KYNU: variants seen among roughly 807,000 people sequenced by gnomAD.
KYNU encodes the protein L-kynurenine hydrolase.
In KYNU, 54 loss-of-function variants were observed where a neutral mutation model predicts 59.2. The ratio of observed to expected loss-of-function variants is 0.91; its 90% confidence interval spans 0.73 to 1.14. KYNU has a LOEUF of 1.14. Among genes scored for constraint, KYNU ranks in the 50% most tolerant of loss-of-function variants. KYNU has a pLI of 0.00. For synonymous variants in KYNU, 177 were observed against 192.0 expected (o/e 0.92, Z 0.65); for missense variants, 567 against 554.4 (o/e 1.02, Z -0.23).
intron 10 of KYNU, among the ~76,000 whole-genome samples, chr2:143,001,223 C>A (rs752573308): frequency 1.1e-4 from 16 of 152,062 alleles, no homozygotes; most frequent in Non-Finnish European, 2.1e-4. Flanking sequence ...TAAGAGTCTG[C>A]CTACCACAAT....
chr2:143,036,348 A>G (rs892111905), intron 12 of KYNU, among the ~76,000 whole-genome samples: 1 of 152,084 alleles, frequency 6.6e-6, no homozygotes, highest in Non-Finnish European at 1.5e-5. Context: ...TCCAGTTCCA[A>G]TGGCTGGAAT....
At chr2:143,021,574 G>A (rs1027767355) in intron 10 of KYNU, among the ~76,000 whole-genome samples, 2 of 152,072 alleles carry the variant, frequency 1.3e-5, no homozygotes, top group Non-Finnish European at 2.9e-5. Context: ...ATGGCAGGAG[G>A]CAAATGGGGG....
intron 4 of KYNU, among the ~76,000 whole-genome samples, chr2:142,934,763 C>T (rs1362984791): frequency 2.0e-5 from 3 of 152,198 alleles, no homozygotes; most frequent in Non-Finnish European, 2.9e-5. Context: ...GTGGCAAGGC[C>T]GATGAGATCC....
intron 12 of KYNU, among the ~76,000 whole-genome samples, chr2:143,038,587 A>G (rs1033964205): frequency 6.6e-6 from 1 of 152,084 alleles, no homozygotes; most frequent in African/African-American, 2.4e-5. Flanking sequence ...CCTCTACTTG[A>G]GCTGTCTCTG....
intron 1 of KYNU, among the ~76,000 whole-genome samples, chr2:142,882,680 T>C (rs1404188289): frequency 6.6e-6 from 1 of 152,230 alleles, no homozygotes; most frequent in Non-Finnish European, 1.5e-5. Context: ...TATGGCTGCA[T>C]AGTATTCCAT....
At chr2:143,029,406 T>G (rs918793898) in intron 10 of KYNU, among the ~76,000 whole-genome samples, 12 of 152,102 alleles carry the variant, frequency 7.9e-5, no homozygotes, top group African/African-American at 2.9e-4. Context: ...GCCAACATGG[T>G]GAAACCCTAT....
At chr2:142,977,855 G>A (rs985771662) in intron 8 of KYNU, among the ~76,000 whole-genome samples, 4 of 152,102 alleles carry the variant, frequency 2.6e-5, no homozygotes, top group South Asian at 2.1e-4. Context: ...TTTGAAGGCC[G>A]TGGCAAATTT....
intron 1 of KYNU, among the ~76,000 whole-genome samples, chr2:142,881,855 C>T (rs929170881): frequency 4.0e-5 from 6 of 151,624 alleles, no homozygotes; most frequent in East Asian, 1.9e-4. Context: ...CCATCCTCCT[C>T]GGTAGCTAGG....
chr2:143,028,187 C>A lies in KYNU; in HGVS notation c.903-1440C>A, dbSNP rs573387569. ...GTCTTTTTCATGTAATATATACACA[C>A]ACGTATGTGATTTTCCCTATATATT... On this transcript the variant is annotated intron_variant, in intron 10 of 13. Coordinates refer to ENST00000264170, the MANE Select transcript of KYNU (RefSeq NM_003937.3). 4.4e-4 allele frequency among the ~76,000 whole-genome samples: 66 copies of A among 150,680 alleles called. 2 individuals are homozygous for A. Among genetic ancestry groups the A allele is most frequent in the African/African-American group, 1.5e-3 (63 of 41,170 alleles).
intron 4 of KYNU, among the ~76,000 whole-genome samples, chr2:142,931,057 T>C (rs917166791): frequency 7.2e-4 from 109 of 152,346 alleles, no homozygotes; most frequent in African/African-American, 2.6e-3. Flanking sequence ...ATGGCCTCTT[T>C]CTCGATCTTC....
At chr2:142,949,392 C>T (rs1220861863) in intron 4 of KYNU, among the ~76,000 whole-genome samples, 1 of 152,228 alleles carries the variant, frequency 6.6e-6, no homozygotes, top group Non-Finnish European at 1.5e-5. Context: ...CAGAGGTTCT[C>T]CATGAGGATC....
intron 2 of KYNU, among the ~76,000 whole-genome samples, chr2:142,908,477 T>C (rs546672303): frequency 7.3e-6 from 1 of 137,310 alleles, no homozygotes; most frequent in South Asian, 2.6e-4. Flanking sequence ...TGAGTTCATA[T>C]AAGGAACTGG....
At chr2:142,885,717 T>G (rs977006261) in intron 2 of KYNU, among the ~76,000 whole-genome samples, 181 bp downstream of exon 2, 5 of 152,164 alleles carry the variant, frequency 3.3e-5, no homozygotes, top group Non-Finnish European at 7.4e-5. Context: ...TAGCCTCAAA[T>G]TATCTGTTTT....
At chr2:143,023,734 T>G (rs999870087) in intron 10 of KYNU, among the ~76,000 whole-genome samples, 10 of 151,422 alleles carry the variant, frequency 6.6e-5, no homozygotes, top group Non-Finnish European at 1.3e-4. Flanking sequence ...AGAGAACTAA[T>G]AGAATAAAGA....
Position 143,050,031 on chromosome 2 carries a change from A to G in KYNU, c.*7859A>G, listed in dbSNP as rs942769086. 11 of 147,936 alleles carry G rather than the reference A, an allele frequency of 7.4e-5. No homozygotes were observed. The highest frequency in any genetic ancestry group is 1.6e-4 in the Non-Finnish European group (11 of 67,080). The allele number at this position is 147,936 out of a possible 1,614,324, so 9.2% of individuals were successfully genotyped here. A position where few individuals can be genotyped will look rare whatever the true frequency, so the allele number is the denominator to read the frequency against. On this transcript the variant is annotated 3_prime_UTR_variant, in exon 14 of 14. Transcript: ENST00000264170. Reference sequence around the variant, plus strand: ...ATATATATATAATATATAAACATATATTTATATAAAATAAAAACATATAAA... The same window carrying G: ...ATATATATATAATATATAAACATATGTTTATATAAAATAAAAACATATAAA...
intron 3 of KYNU, among the ~76,000 whole-genome samples, chr2:142,926,061 A>G (rs1270358076): frequency 1.3e-5 from 2 of 152,192 alleles, no homozygotes; most frequent in Admixed American, 1.3e-4. Context: ...GTTCTCACCC[A>G]TAAGTGGGAG....
At chr2:143,032,195 G>A (rs561009335) in intron 11 of KYNU, among the ~76,000 whole-genome samples, 8 of 151,992 alleles carry the variant, frequency 5.3e-5, no homozygotes, top group African/African-American at 1.2e-4. Context: ...GGAGAATGGC[G>A]TGAACCCGTG....
chr2:143,043,763 ATTTATATAT>A lies in KYNU; in HGVS notation c.*1594_*1602del, dbSNP rs958116428. 14 of 103,192 alleles carry A rather than the reference ATTTATATAT, an allele frequency of 1.4e-4. No individual in the cohort carries two copies. The highest frequency in any genetic ancestry group is 4.4e-4 in the African/African-American group (13 of 29,548). The allele number at this position is 103,192 out of a possible 1,614,324, so 6.4% of individuals were successfully genotyped here. On this transcript the variant is annotated 3_prime_UTR_variant, in exon 14 of 14. Coordinates refer to ENST00000264170, the MANE Select transcript of KYNU (RefSeq NM_003937.3). ...ATATATATACTTTATATATATTTATATTTATATATTTATATATTTATATTTTAATATATT... is the reference window on the plus strand; with the variant it reads ...ATATATATACTTTATATATATTTATATTATATATTTATATTTTAATATATT...
intron 4 of KYNU, among the ~76,000 whole-genome samples, chr2:142,930,555 G>C (rs1284978498): frequency 6.6e-6 from 1 of 152,138 alleles, no homozygotes; most frequent in Non-Finnish European, 1.5e-5. Context: ...TTTCTAGTAA[G>C]GGTTCTCCTC....
Sources: allele counts gnomAD v4.1 joint callset (sites outside exome capture counted in the v4.1 genomes callset), GRCh38; gene constraint gnomAD v4.1.1; transcripts MANE v1.5; gene names NCBI Gene and HGNC (gene_info 2026-07-23, HGNC 2026-07-21).